Variants in PFKFB3 observed in about 807,000 individuals in gnomAD.
The protein encoded by PFKFB3 is 6-phosphofructo-2-kinase/fructose-2,6-biphosphatase 3.
A neutral mutation model predicts 68.0 loss-of-function variants in PFKFB3; 33 were observed. The observed-to-expected ratio is 0.49, with a 90% CI of 0.37 to 0.65. The LOEUF is 0.65. Among genes scored for constraint, PFKFB3 ranks in the 30% least tolerant of loss-of-function variants. The probability of loss-of-function intolerance (pLI) is 0.00; values close to 1 mark genes in which losing one functional copy is unlikely to be tolerated. For synonymous variants in PFKFB3, 315 were observed against 288.2 expected, an observed-to-expected ratio of 1.09 and a Z score of -0.94; for missense variants, 586 against 712.2, an observed-to-expected ratio of 0.82 and a Z score of 2.02.
At chr10:6,186,328 A>T (rs1842868602) in intron 1 of PFKFB3, among the ~76,000 whole-genome samples, 4 of 152,304 alleles carry the variant, frequency 2.6e-5, no homozygotes, top group Admixed American at 6.5e-5. Flanking sequence ...AAAGGGGTAG[A>T]TGGGCCCAGT....
chr10:6,173,475 C>T (rs767499048), intron 1 of PFKFB3, among the ~76,000 whole-genome samples: 1 of 152,176 alleles, frequency 6.6e-6, no homozygotes. Context: ...GAACAAGATA[C>T]AAACTTAAAG....
the PFKFB3 span, among the ~76,000 whole-genome samples, chr10:6,286,437 G>T: frequency 6.6e-6 from 1 of 152,044 alleles, no homozygotes; most frequent in Non-Finnish European, 1.5e-5. Flanking sequence ...GAGTGGAGTG[G>T]CATGATCTCA....
At chr10:6,280,686 G>C in the PFKFB3 span, among the ~76,000 whole-genome samples, 3 of 152,192 alleles carry the variant, frequency 2.0e-5, no homozygotes, top group Admixed American at 6.5e-5. Context: ...TAGGAGGACA[G>C]AGCCACAGAT....
intron 1 of PFKFB3, among the ~76,000 whole-genome samples, chr10:6,166,345 A>AG (rs761629543): frequency 6.6e-5 from 10 of 150,974 alleles, no homozygotes; most frequent in Admixed American, 2.0e-4. Context: ...CACCCGCCTT[A>AG]GGCTCCCAAA....
chr10:6,145,992 C>T (rs893405849), intron 1 of PFKFB3, among the ~76,000 whole-genome samples: 2 of 152,196 alleles, frequency 1.3e-5, no homozygotes, highest in Admixed American at 1.3e-4. Context: ...AGGGGGGCCT[C>T]GATTTGACTT....
At chr10:6,194,375 T>C (rs527892270) in intron 1 of PFKFB3, among the ~76,000 whole-genome samples, 1 of 152,358 alleles carries the variant, frequency 6.6e-6, no homozygotes, top group Admixed American at 6.5e-5. Context: ...CTTTGGTGAA[T>C]TGCACAGACT....
rs1845970445 is a variant in PFKFB3, at chr10:6,235,294, A to G, written c.*2352A>G. 6.6e-6 allele frequency: 1 copy of G among 152,642 alleles called. No homozygotes were observed. Among genetic ancestry groups the G allele is most frequent in the African/African-American group, 2.4e-5 (1 of 41,400 alleles). 9.5% of individuals were successfully genotyped at this position (152,642 alleles called of 1,614,324 possible). On this transcript the variant is annotated 3_prime_UTR_variant, in exon 15 of 15. Transcript: ENST00000379775. ...TTATTATTTTGATAGCAGATGTGCT[A>G]TTTATTTATTTAATATGTATAAGGA...
At position 6,184,083 on chromosome 10, in the gene PFKFB3, T is replaced by C. The variant is rs1183537366; in HGVS notation, c.17-29540T>C. Reference sequence around the variant, plus strand: ...TTATTTTATTTTTGAGACAGAATCTTGCTCTGTTGCCCAGACTGGAGTGCA... The same window carrying C: ...TTATTTTATTTTTGAGACAGAATCTCGCTCTGTTGCCCAGACTGGAGTGCA... On this transcript the variant is annotated intron_variant, in intron 1 of 14. Coordinates refer to the PFKFB3 transcript ENST00000379789. Among the ~76,000 whole-genome samples the C allele has an allele frequency of 2.7e-5, 4 of 147,822 alleles. No homozygotes were observed. The South Asian group carries it at 8.7e-4, about 32-fold the overall frequency.
the PFKFB3 span, among the ~76,000 whole-genome samples, chr10:6,316,789 G>C: frequency 5.3e-5 from 8 of 152,196 alleles, no homozygotes; most frequent in Non-Finnish European, 1.2e-4. Context: ...TAGAGTGGGA[G>C]TGGCATCTTC....
At chr10:6,267,268 CT>C in the PFKFB3 span, among the ~76,000 whole-genome samples, 1 of 152,248 alleles carries the variant, frequency 6.6e-6, no homozygotes, top group East Asian at 1.9e-4. Context: ...AAACTCACTG[CT>C]TTTATTCACC....
intron 11 of PFKFB3, among the ~76,000 whole-genome samples, 154 bp from the exon 12 acceptor site, chr10:6,223,804 A>G (rs1845132406): frequency 6.6e-6 from 1 of 152,136 alleles, no homozygotes; most frequent in African/African-American, 2.4e-5. Context: ...TTTAGTAGAG[A>G]TGGGGTTTTG....
At chr10:6,294,497 C>T in the PFKFB3 span, 5,030 of 219,866 alleles carry the variant, frequency 0.023, 243 homozygotes, top group African/African-American at 0.11. Flanking sequence ...TTCGCTATCA[C>T]AAGAACAGCA....
chr10:6,284,876 T>A, the PFKFB3 span, among the ~76,000 whole-genome samples: 1 of 152,380 alleles, frequency 6.6e-6, no homozygotes, highest in Non-Finnish European at 1.5e-5. Context: ...CTTACAATAA[T>A]GTTTTTAAGG....
At chr10:6,217,979 C>T (rs1412557718) in intron 6 of PFKFB3, among the ~76,000 whole-genome samples, 2 of 152,146 alleles carry the variant, frequency 1.3e-5, no homozygotes, top group African/African-American at 2.4e-5. Context: ...GTGTTAGCCC[C>T]GGTATCTTCC....
At chr10:6,202,330 C>T (rs61839757), upstream of PFKFB3, 36,963 of 151,894 alleles carry the variant, frequency 0.24, 4,574 homozygotes, top group Middle Eastern at 0.31. Flanking sequence ...TGGACAAGGA[C>T]GAGGTGAGGT....
At chr10:6,271,253 A>G in the PFKFB3 span, among the ~76,000 whole-genome samples, 2 of 152,232 alleles carry the variant, frequency 1.3e-5, no homozygotes, top group Non-Finnish European at 2.9e-5. Flanking sequence ...GCCTTGTTCC[A>G]ACACCTCTGC....
At chr10:6,279,687 G>A in the PFKFB3 span, among the ~76,000 whole-genome samples, 1 of 152,136 alleles carries the variant, frequency 6.6e-6, no homozygotes. Flanking sequence ...AGCATGAGGC[G>A]GCAATCAGAA....
chr10:6,295,366 C>G, the PFKFB3 span, among the ~76,000 whole-genome samples: 1 of 151,988 alleles, frequency 6.6e-6, no homozygotes, highest in Non-Finnish European at 1.5e-5. Context: ...GGATTACAGG[C>G]GCCCACCTCC....
chr10:6,256,887 G>C (rs923580795), downstream of PFKFB3, among the ~76,000 whole-genome samples: 1 of 152,176 alleles, frequency 6.6e-6, no homozygotes, highest in South Asian at 2.1e-4. Flanking sequence ...CAGAGAGTGA[G>C]AGTTTAGCTT....
Sources: gnomAD v4.1 joint callset for allele counts (sites outside exome capture counted in the v4.1 genomes callset) on GRCh38, gnomAD v4.1.1 for gene constraint, MANE v1.5 for transcripts, NCBI Gene and HGNC (gene_info 2026-07-23, HGNC 2026-07-21) for gene names.